NEURL1B: variants seen among roughly 807,000 people sequenced by gnomAD.
The protein encoded by NEURL1B is E3 ubiquitin-protein ligase NEURL1B.
In NEURL1B, 13 loss-of-function variants were observed where a neutral mutation model predicts 37.4. That is an observed-to-expected ratio of 0.35 (90% confidence interval 0.23 to 0.55). NEURL1B has a LOEUF of 0.55. Ranked by LOEUF, NEURL1B falls within the 20% of genes least tolerant of loss-of-function variation. The pLI, the probability that NEURL1B is intolerant of heterozygous loss-of-function variation, is 0.89. For synonymous variants in NEURL1B, 432 were observed against 426.6 expected, an observed-to-expected ratio of 1.01 and a Z score of -0.16; for missense variants, 790 against 879.2, an observed-to-expected ratio of 0.90 and a Z score of 1.28.
chr5:172,670,173 C>T lies in NEURL1B; in HGVS notation c.420C>T (p.Arg140=). 1 of 1,490,852 alleles carries T rather than the reference C, an allele frequency of 6.7e-7. No homozygotes were observed. The highest frequency in any genetic ancestry group is 8.9e-7 in the Non-Finnish European group (1 of 1,125,942). 92.4% of individuals were successfully genotyped at this position (1,490,852 alleles called of 1,614,324 possible). A position where few individuals can be genotyped will look rare whatever the true frequency, so the allele number is the denominator to read the frequency against. The change falls in exon 2 of 5, where the codon CGC becomes CGT. Residue 140 remains arginine (R), a synonymous_variant. Transcript: ENST00000369800. The part of the protein sequence containing the change: ...AKALPENLAL[R]DTVLAYWADR... Reference sequence around the variant, plus strand: ...CACTGCCCGAGAACCTGGCGCTGCGCGACACGGTGCTGGCCTACTGGGCCG... The same window carrying T: ...CACTGCCCGAGAACCTGGCGCTGCGTGACACGGTGCTGGCCTACTGGGCCG...
At chr5:172,662,981 C>G (rs1241827581) in intron 1 of NEURL1B, among the ~76,000 whole-genome samples, 2 of 151,526 alleles carry the variant, frequency 1.3e-5, no homozygotes, top group Non-Finnish European at 2.9e-5. Context: ...AATCCCAGTA[C>G]TTTGGGAAGC....
chr5:172,680,589 C>T (rs1020886195), intron 2 of NEURL1B, among the ~76,000 whole-genome samples: 1 of 152,136 alleles, frequency 6.6e-6, no homozygotes, highest in Non-Finnish European at 1.5e-5. Flanking sequence ...TATTTATATG[C>T]CTTTTTTCTG....
Position 172,686,151 on chromosome 5 carries a change from G to GGAA in NEURL1B, c.1298-19_1298-17dup, listed in dbSNP as rs1363838939. 5.8e-6 allele frequency: 9 copies of GGAA among 1,550,878 alleles called. No homozygotes were observed. Among genetic ancestry groups the GGAA allele is most frequent in the Non-Finnish European group, 7.8e-6 (9 of 1,146,638 alleles). ...GGTCCAACCTTCCACTGCCCCTGAT[G>GGAA]GAATCTCTTTGGGCCTCAGGTACCC... is the stretch of plus-strand genomic sequence containing the variant. On this transcript the variant is annotated intron_variant, in intron 3 of 4. Transcript: ENST00000369800. This position sits in a 1 kb window ranked among gnomAD's most constrained non-coding sequence, Gnocchi z 7.9.
rs539878401 is a variant in NEURL1B at position 172,688,683 on chromosome 5, T to G, written c.*1758T>G. ...CATCAAGAATCCCTGATTATTTACT[T>G]TTCCCTAGAAAATCTGGGGAAATTC... On this transcript the variant is annotated 3_prime_UTR_variant, in exon 5 of 5. Transcript: ENST00000369800. This position sits in a 1 kb window ranked among gnomAD's most constrained non-coding sequence, Gnocchi z 4.3. 6.6e-6 allele frequency: 1 copy of G among 152,394 alleles called. No homozygotes were observed. Among genetic ancestry groups the G allele is most frequent in the Non-Finnish European group, 1.5e-5 (1 of 68,050 alleles). 9.4% of individuals were successfully genotyped at this position (152,394 alleles called of 1,614,324 possible). A position where few individuals can be genotyped will look rare whatever the true frequency, so the allele number is the denominator to read the frequency against.
Position 172,686,538 on chromosome 5 carries a change from C to G in NEURL1B, c.1424-143C>G. 5 of 1,058,274 alleles carry G rather than the reference C, an allele frequency of 4.7e-6. No individual in the cohort carries two copies. The highest frequency in any genetic ancestry group is 6.7e-6 in the Non-Finnish European group (5 of 742,808). The allele number at this position is 1,058,274 out of a possible 1,614,324, so 65.6% of individuals were successfully genotyped here. The stretch of plus-strand genomic sequence containing the variant: ...AGAAGAGTAGAGAAAGGTGCAAAAC[C>G]TGCAAGGTAAACTCAAATTAGTATC... On this transcript the variant is annotated intron_variant, in intron 4 of 4. Transcript: ENST00000369800. This position sits in a 1 kb window ranked among gnomAD's most constrained non-coding sequence, Gnocchi z 7.9.
At chr5:172,684,176 T>TC (rs1266659441) in intron 3 of NEURL1B, 38 bp downstream of exon 3, 25 of 950,864 alleles carry the variant, frequency 2.6e-5, no homozygotes, top group African/African-American at 1.3e-4. Context: ...GCCCCGCCCC[T>TC]CCCCCGTCCC....
rs1006859574 is a variant in NEURL1B, at chr5:172,688,981, C to T, written c.*2056C>T. On this transcript the variant is annotated 3_prime_UTR_variant, in exon 5 of 5. Coordinates refer to ENST00000369800, the MANE Select transcript of NEURL1B (RefSeq NM_001142651.3). This position sits in a 1 kb window ranked among gnomAD's most constrained non-coding sequence, Gnocchi z 4.3. ...GCCTGGGGGAAAGCAGCTCCACTCT[C>T]CTGCCCTTCCTGGCTGCCCCTTTGG... is the stretch of plus-strand genomic sequence containing the variant. 5.3e-5 allele frequency: 8 copies of T among 152,302 alleles called. No homozygotes were observed. The highest frequency in any genetic ancestry group is 1.9e-4 in the African/African-American group (8 of 41,456). The allele number at this position is 152,302 out of a possible 1,614,324, so 9.4% of individuals were successfully genotyped here.
chr5:172,688,310 G>C lies in NEURL1B; in HGVS notation c.*1385G>C, dbSNP rs1252790387. 1 of 152,772 alleles carries C rather than the reference G, an allele frequency of 6.5e-6. No individual in the cohort carries two copies. Among genetic ancestry groups the C allele is most frequent in the Non-Finnish European group, 1.5e-5 (1 of 68,116 alleles). 9.5% of individuals were successfully genotyped at this position (152,772 alleles called of 1,614,324 possible). ...GTTCCCAATTAGAAGTCTAGAACCT[G>C]ACAACTCCAGGAGTTCTTGGGAGGA... On this transcript the variant is annotated 3_prime_UTR_variant, in exon 5 of 5. Transcript: ENST00000369800. The surrounding 1 kb of genome is among the most constrained non-coding windows in gnomAD (Gnocchi z 4.3).
intron 1 of NEURL1B, among the ~76,000 whole-genome samples, chr5:172,644,264 CA>C: frequency 6.6e-6 from 1 of 152,174 alleles, no homozygotes. Context: ...CTCCATATTA[CA>C]GTTGAGAAGC....
At chr5:172,646,318 A>G (rs570532722) in intron 1 of NEURL1B, among the ~76,000 whole-genome samples, 2 of 152,306 alleles carry the variant, frequency 1.3e-5, no homozygotes, top group East Asian at 1.9e-4. Flanking sequence ...GGAATAGAGA[A>G]AGTGAGTGTT....
At chr5:172,656,075 T>C (rs1410073412) in intron 1 of NEURL1B, among the ~76,000 whole-genome samples, 1 of 152,228 alleles carries the variant, frequency 6.6e-6, no homozygotes, top group Non-Finnish European at 1.5e-5. Flanking sequence ...TGGCCCCTGC[T>C]GCTGTGTCGT....
intron 1 of NEURL1B, among the ~76,000 whole-genome samples, chr5:172,656,021 TG>T (rs1474113864): frequency 1.3e-5 from 2 of 152,204 alleles, no homozygotes; most frequent in Non-Finnish European, 2.9e-5. Flanking sequence ...CAATGATGAG[TG>T]CACACTTGGA....
rs1758625500 is a variant in NEURL1B at position 172,690,494 on chromosome 5, CAA to C, written c.*3571_*3572del. On this transcript the variant is annotated 3_prime_UTR_variant, in exon 5 of 5. Transcript: ENST00000369800. ...ATAAAACAGCACCACATAACGCACA[CAA>C]AGATACTCCAGAAACATTTGCTGAG... 6.6e-6 allele frequency: 1 copy of C among 152,228 alleles called. No homozygotes were observed. Among genetic ancestry groups the C allele is most frequent in the Admixed American group, 6.5e-5 (1 of 15,290 alleles). 9.4% of individuals were successfully genotyped at this position (152,228 alleles called of 1,614,324 possible). A position where few individuals can be genotyped will look rare whatever the true frequency, so the allele number is the denominator to read the frequency against.
At chr5:172,673,887 C>A (rs1253013054) in intron 2 of NEURL1B, among the ~76,000 whole-genome samples, 2 of 151,550 alleles carry the variant, frequency 1.3e-5, no homozygotes, top group Admixed American at 6.6e-5. Context: ...ATCTGTAATC[C>A]CAGCACTTTG....
intron 2 of NEURL1B, among the ~76,000 whole-genome samples, chr5:172,681,128 C>G (rs555137751): frequency 1.3e-5 from 2 of 152,236 alleles, no homozygotes; most frequent in South Asian, 4.1e-4. Context: ...CGTGAGAACT[C>G]GCTATCATGA....
chr5:172,643,472 A>G (rs887197509), intron 1 of NEURL1B, among the ~76,000 whole-genome samples: 1 of 151,860 alleles, frequency 6.6e-6, no homozygotes, highest in Non-Finnish European at 1.5e-5. Context: ...TTCCCTGACC[A>G]CCCACAGTCT....
Position 172,683,578 on chromosome 5 carries a change from C to T in NEURL1B, c.737C>T (p.Ala246Val), listed in dbSNP as rs928461872. 1 of 1,351,246 alleles carries T rather than the reference C, an allele frequency of 7.4e-7. No individual in the cohort carries two copies. Among genetic ancestry groups the T allele is most frequent in the Non-Finnish European group, 9.5e-7 (1 of 1,053,428 alleles). The allele number at this position is 1,351,246 out of a possible 1,614,324, so 83.7% of individuals were successfully genotyped here. ...AKLGHLALGR[A>V]PGPPPADAAA... ...CTGGGCCACCTGGCGCTGGGCCGCG[C>T]CCCGGGCCCACCGCCAGCCGACGCC... Residue 246 changes from alanine (A) to valine (V), a missense_variant, in exon 3 of 5, where the codon GCC becomes GTC. By Grantham distance (64) the Ala-to-Val change is moderately conservative. Transcript: ENST00000369800. The surrounding 1 kb of genome is among the most constrained non-coding windows in gnomAD (Gnocchi z 5.6).
At chr5:172,669,462 G>A (rs1404347184) in intron 1 of NEURL1B, among the ~76,000 whole-genome samples, 1 of 152,116 alleles carries the variant, frequency 6.6e-6, no homozygotes, top group Non-Finnish European at 1.5e-5. Flanking sequence ...TGATGGGGAT[G>A]GAGAAGTTAT....
In NEURL1B at chr5:172,686,098, C is replaced by G; in HGVS notation, c.1298-73C>G. 1 of 1,522,184 alleles carries G rather than the reference C, an allele frequency of 6.6e-7. No homozygotes were observed. Among genetic ancestry groups the G allele is most frequent in the Non-Finnish European group, 8.9e-7 (1 of 1,129,878 alleles). The allele number at this position is 1,522,184 out of a possible 1,614,324, so 94.3% of individuals were successfully genotyped here. A position where few individuals can be genotyped will look rare whatever the true frequency, so the allele number is the denominator to read the frequency against. ...TAGACGGGAAAGCTAAGGTGCAAAG[C>G]AGTGAAGAACCATGGACTAGCAGGG... On this transcript the variant is annotated intron_variant, in intron 3 of 4. Transcript: ENST00000369800. This position sits in a 1 kb window ranked among gnomAD's most constrained non-coding sequence, Gnocchi z 7.9.
Sources: allele counts gnomAD v4.1 joint callset (sites outside exome capture counted in the v4.1 genomes callset), GRCh38; gene constraint gnomAD v4.1.1; non-coding constraint Gnocchi (gnomAD v3.1); transcripts MANE v1.5; gene names NCBI Gene and HGNC (gene_info 2026-07-23, HGNC 2026-07-21).